The following RASA2 variants were observed in gnomAD, a reference collection of about 807,000 sequenced individuals.
The protein encoded by RASA2 is RAS p21 protein activator 2.
A neutral mutation model predicts 118.2 loss-of-function variants in RASA2; 155 were observed. The observed-to-expected ratio is 1.31, with a 90% CI of 1.15 to 1.50. The LOEUF is 1.50. Ranked by LOEUF, RASA2 falls within the 40% of genes most tolerant of loss-of-function variation. The pLI, the probability that RASA2 is intolerant of heterozygous loss-of-function variation, is 0.00. For missense variants in RASA2, 1,016 were observed against 1,009.6 expected, an observed-to-expected ratio of 1.01 and a Z score of -0.09; for synonymous variants, 353 against 349.1, an observed-to-expected ratio of 1.01 and a Z score of -0.12.
chr3:141,580,089 T>A lies in RASA2; in HGVS notation c.1591-279T>A, dbSNP rs1428035378. ...AAAAAGAAAAAAAAAAAAAAAAATATATATATATATATATATATATATATA... is the reference window on the plus strand; with the variant it reads ...AAAAAGAAAAAAAAAAAAAAAAATAAATATATATATATATATATATATATA... On this transcript the variant is annotated intron_variant, in intron 15 of 23. Coordinates refer to ENST00000286364, the MANE Select transcript of RASA2 (RefSeq NM_006506.5). Among the ~76,000 whole-genome samples the A allele has an allele frequency of 0.017, 1,489 of 85,698 alleles. 11 individuals are homozygous for A. Among genetic ancestry groups the A allele is most frequent in the Middle Eastern group, 0.021 (3 of 140 alleles). 56.2% of individuals were successfully genotyped at this position (85,698 alleles called of 152,430 possible).
At chr3:141,601,764 ATTTC>A (rs891899116) in intron 19 of RASA2, among the ~76,000 whole-genome samples, 1 of 151,970 alleles carries the variant, frequency 6.6e-6, no homozygotes, top group Non-Finnish European at 1.5e-5. Flanking sequence ...TTTTTGACTT[ATTTC>A]TTCAAATTTC....
chr3:141,529,641 C>A, intron 3 of RASA2, 67 bp from the exon 4 acceptor site: 2 of 1,048,980 alleles, frequency 1.9e-6, no homozygotes, highest in Non-Finnish European at 2.8e-6. Flanking sequence ...TTATATAAAA[C>A]AGTGCTAATG....
chr3:141,507,888 T>C (rs1202025065), intron 1 of RASA2, among the ~76,000 whole-genome samples: 2 of 152,194 alleles, frequency 1.3e-5, no homozygotes, highest in Non-Finnish European at 2.9e-5. Flanking sequence ...CTGGGAAATG[T>C]ATTTTTTAAC....
At chr3:141,546,111 G>A (rs1163916833) in intron 5 of RASA2, among the ~76,000 whole-genome samples, 2 of 152,138 alleles carry the variant, frequency 1.3e-5, no homozygotes, top group Admixed American at 6.5e-5. Flanking sequence ...CCTGTTGATG[G>A]ACACTTAGAT....
chr3:141,555,737 C>G, intron 6 of RASA2, 103 bp from the exon 7 acceptor site: 1 of 928,592 alleles, frequency 1.1e-6, no homozygotes, highest in Non-Finnish European at 1.6e-6. Context: ...CCTGAGTCAC[C>G]TTAACTTTTA....
chr3:141,561,956 G>T lies in RASA2; in HGVS notation c.863+1961G>T, dbSNP rs149929660. On this transcript the variant is annotated intron_variant, in intron 9 of 23. Coordinates refer to ENST00000286364, the MANE Select transcript of RASA2 (RefSeq NM_006506.5). ...CTCAAACTTTTTTTTGTGGGGGGGC[G>T]GTCTTACTTTTTTTGAGACAAAGCC... is the stretch of plus-strand genomic sequence containing the variant. Among the ~76,000 whole-genome samples the T allele has an allele frequency of 1.8e-4, 28 of 151,656 alleles. No individual in the cohort carries two copies. In the East Asian group the frequency reaches 5.3e-3, roughly 29 times the overall value.
intron 19 of RASA2, among the ~76,000 whole-genome samples, chr3:141,597,300 A>C (rs1198963908): frequency 6.6e-6 from 1 of 152,250 alleles, no homozygotes; most frequent in Non-Finnish European, 1.5e-5. Context: ...CACATGCTGC[A>C]TCATGGATGA....
chr3:141,496,472 GA>G (rs2081703991), intron 1 of RASA2, among the ~76,000 whole-genome samples: 1 of 151,956 alleles, frequency 6.6e-6, no homozygotes, highest in Non-Finnish European at 1.5e-5. Flanking sequence ...AAATTTACAA[GA>G]AAAAAACAAC....
intron 5 of RASA2, among the ~76,000 whole-genome samples, chr3:141,551,164 T>G (rs2082569260): frequency 6.6e-6 from 1 of 152,232 alleles, no homozygotes; most frequent in Admixed American, 6.5e-5. Flanking sequence ...GCTGGATATT[T>G]TAATATTTCT....
Position 141,604,026 on chromosome 3 carries a change from G to C in RASA2, c.1934-3652G>C, listed in dbSNP as rs79625059. On this transcript the variant is annotated intron_variant, in intron 19 of 23. Transcript: ENST00000286364. The stretch of plus-strand genomic sequence containing the variant: ...GTTGTTTTTGGTTTTTGGCTATTAT[G>C]AACAATGCAGTTGTGAACATTCATT... Among the ~76,000 whole-genome samples the C allele has an allele frequency of 5.3e-5, 8 of 152,306 alleles. No homozygotes were observed. In the East Asian group the frequency reaches 1.4e-3, roughly 26 times the overall value.
Position 141,571,043 on chromosome 3 carries a change from T to C in RASA2, c.995T>C (p.Leu332Ser). The change falls in exon 10 of 24, where the codon TTG becomes TCG. Residue 332 changes from leucine (L) to serine (S), a missense_variant. Physicochemically the swap from Leu to Ser is moderately radical, Grantham distance 145. Transcript: ENST00000286364. ...PSEYYGPLKT[L>S]LLKSPDVQPI... ...GAGTACTATGGTCCTTTGAAAACTT[T>C]GCTGCTAAAATCACCAGATGTTCAA... The C allele has an allele frequency of 6.2e-7, 1 of 1,603,148 alleles. No individual in the cohort carries two copies. The highest frequency in any genetic ancestry group is 8.5e-7 in the Non-Finnish European group (1 of 1,177,178).
In RASA2 at chr3:141,540,588, T is replaced by TA; in HGVS notation, c.507dup (p.Cys170MetfsTer23). 3.1e-6 allele frequency: 5 copies of TA among 1,612,674 alleles called. No homozygotes were observed. The highest frequency in any genetic ancestry group is 4.2e-6 in the Non-Finnish European group (5 of 1,178,988). On this transcript the variant is annotated frameshift_variant, in exon 5 of 24. Transcript: ENST00000286364. LOFTEE classifies it high-confidence loss of function. ...GAACTGATAACGGAGAATGGAACTG[T>TA]ATGCCAGCAGCTTGTTGTACAGTAA...
chr3:141,590,002 G>A, intron 19 of RASA2: 2 of 404,122 alleles, frequency 4.9e-6, no homozygotes, highest in South Asian at 3.7e-5. Flanking sequence ...TGACATTGGA[G>A]GAATGAGATA....
At chr3:141,570,281 G>A (rs1396572163) in intron 9 of RASA2, among the ~76,000 whole-genome samples, 2 of 151,744 alleles carry the variant, frequency 1.3e-5, no homozygotes, top group Non-Finnish European at 2.9e-5. Context: ...GAGTACAGTG[G>A]CGGGATCTCA....
chr3:141,502,104 T>C (rs2081792161), intron 1 of RASA2, among the ~76,000 whole-genome samples: 1 of 152,212 alleles, frequency 6.6e-6, no homozygotes, highest in Non-Finnish European at 1.5e-5. Flanking sequence ...CTGGTAAGTA[T>C]ATATAATGCA....
intron 4 of RASA2, among the ~76,000 whole-genome samples, chr3:141,539,748 C>T (rs2082380737): frequency 6.6e-6 from 1 of 152,176 alleles, no homozygotes; most frequent in Non-Finnish European, 1.5e-5. Context: ...TTAGAAATAT[C>T]AAGCTCTAGA....
chr3:141,502,963 G>C (rs2081805962), intron 1 of RASA2, among the ~76,000 whole-genome samples: 1 of 152,152 alleles, frequency 6.6e-6, no homozygotes, highest in Non-Finnish European at 1.5e-5. Flanking sequence ...GAGTTGAATA[G>C]AAAGACTCTA....
chr3:141,560,275 A>G (rs1190389163), intron 9 of RASA2, among the ~76,000 whole-genome samples: 1 of 152,194 alleles, frequency 6.6e-6, no homozygotes, highest in East Asian at 1.9e-4. Context: ...AACATTTAAA[A>G]CATTACATAA....
chr3:141,607,318 T>C (rs2083563344), intron 19 of RASA2, among the ~76,000 whole-genome samples: 1 of 152,158 alleles, frequency 6.6e-6, no homozygotes. Flanking sequence ...GAAAGAAAAG[T>C]CCTTGTCTAG....
Sources: allele counts gnomAD v4.1 joint callset (sites outside exome capture counted in the v4.1 genomes callset), GRCh38; gene constraint gnomAD v4.1.1; transcripts MANE v1.5; gene names NCBI Gene and HGNC (gene_info 2026-07-23, HGNC 2026-07-21).